Variants in GALNT6 observed in about 807,000 individuals in gnomAD.
GALNT6 encodes polypeptide N-acetylgalactosaminyltransferase 6.
A neutral mutation model predicts 65.9 loss-of-function variants in GALNT6; 51 were observed. The ratio of observed to expected loss-of-function variants is 0.77; its 90% CI spans 0.62 to 0.98. The LOEUF (loss-of-function observed/expected upper bound fraction) is 0.98, where lower values mean the gene tolerates loss of function less well. GALNT6 is among the 50% of genes least tolerant of loss of function. The pLI, the probability that GALNT6 is intolerant of heterozygous loss-of-function variation, is 0.00. For synonymous variants in GALNT6, 323 were observed against 315.1 expected (o/e 1.02, Z -0.26); for missense variants, 708 against 803.3 (o/e 0.88, Z 1.43).
chr12:51,364,064 C>T, intron 6 of GALNT6, 57 bp downstream of exon 6: 1 of 1,176,428 alleles, frequency 8.5e-7, no homozygotes, highest in Non-Finnish European at 1.3e-6. Context: ...GGCACAGGTT[C>T]CTGGAACTGG....
In GALNT6 at chr12:51,364,328, G is replaced by T. The variant is rs1315340711; in HGVS notation, c.842C>A (p.Pro281His). Residue 281 changes from proline to histidine, a missense_variant, in exon 6 of 12, where the codon CCC becomes CAC. By Grantham distance (77) the Pro-to-His change is moderately conservative. Coordinates refer to ENST00000356317, the MANE Select transcript of GALNT6 (RefSeq NM_007210.4). The part of the protein sequence containing the change: ...HCECFHGWLE[P>H]LLARIAEDKT... ...GTCCTCAGCGATTCGAGCCAGGAGG[G>T]GCTCCAGCCAGCCGTGGAAGCACTC... 6.2e-6 allele frequency: 10 copies of T among 1,614,118 alleles called. No individual in the cohort carries two copies. The highest frequency in any genetic ancestry group is 3.3e-5 in the South Asian group (3 of 91,078).
chr12:51,384,915 C>A (rs115419620), intron 2 of GALNT6, among the ~76,000 whole-genome samples: 1,998 of 152,212 alleles, frequency 0.013, 49 homozygotes, highest in African/African-American at 0.046. Context: ...TTTTAAAAAC[C>A]CAGAATAGAA....
In GALNT6 at chr12:51,353,768, T is replaced by C. The variant is rs1364962709; in HGVS notation, c.*611A>G. On this transcript the variant is annotated 3_prime_UTR_variant, in exon 12 of 12. Coordinates refer to ENST00000356317, the MANE Select transcript of GALNT6 (RefSeq NM_007210.4). ...TTTCTTCTTCTTTTTTGTTTTTTTTTGAGACAGAGTCTTACCTGTTGCCCA... is the reference window on the plus strand; with the variant it reads ...TTTCTTCTTCTTTTTTGTTTTTTTTCGAGACAGAGTCTTACCTGTTGCCCA... 5 of 152,226 alleles carry C rather than the reference T, an allele frequency of 3.3e-5. No individual in the cohort carries two copies. Among genetic ancestry groups the C allele is most frequent in the African/African-American group, 1.2e-4 (5 of 41,366 alleles). The allele number at this position is 152,226 out of a possible 1,614,324, so 9.4% of individuals were successfully genotyped here. A position where few individuals can be genotyped will look rare whatever the true frequency, so the allele number is the denominator to read the frequency against.
At position 51,379,508 on chromosome 12, in the gene GALNT6, C is replaced by T. The variant is rs1164676219; in HGVS notation, c.274G>A (p.Gly92Arg). The change falls in exon 3 of 12, where the codon GGG becomes AGG. Residue 92 changes from glycine to arginine, a missense_variant. Physicochemically the swap from Gly to Arg is moderately radical, Grantham distance 125. Coordinates refer to ENST00000356317, the MANE Select transcript of GALNT6 (RefSeq NM_007210.4). ...LFSINQSCLP[G>R]FYTPAELKPF... ...TTCAGTTCAGCTGGGGTATAGAACC[C>T]AGGGAGGCAGGACTGGTTTATGGAG... 4 of 1,614,162 alleles carry T rather than the reference C, an allele frequency of 2.5e-6. No individual in the cohort carries two copies.
At chr12:51,364,079 G>C in intron 6 of GALNT6, 42 bp downstream of exon 6, 1 of 1,365,330 alleles carries the variant, frequency 7.3e-7, no homozygotes, top group Non-Finnish European at 1.0e-6. Flanking sequence ...AACTGGGTAG[G>C]ACTGGGGCCA....
rs542552118 is a variant in GALNT6, at chr12:51,358,506, G to A, written c.1369-245C>T. 4.6e-5 allele frequency among the ~76,000 whole-genome samples: 7 copies of A among 152,168 alleles called. No homozygotes were observed. In the South Asian group the frequency reaches 1.5e-3, roughly 32 times the overall value. On this transcript the variant is annotated intron_variant, in intron 8 of 11. Coordinates refer to ENST00000356317, the MANE Select transcript of GALNT6 (RefSeq NM_007210.4). ...AGTAGAGATGAGGTTTCACCATGTT[G>A]GCCAGGCTGGTCTCAAACCCCTCAC...
At chr12:51,381,234 T>C (rs1947661690) in intron 2 of GALNT6, among the ~76,000 whole-genome samples, 2 of 152,180 alleles carry the variant, frequency 1.3e-5, no homozygotes, top group South Asian at 2.1e-4. Flanking sequence ...AGAGATTCTG[T>C]CTTTAAAAAT....
chr12:51,381,667 C>T (rs1947676238), intron 2 of GALNT6, among the ~76,000 whole-genome samples: 1 of 152,228 alleles, frequency 6.6e-6, no homozygotes, highest in African/African-American at 2.4e-5. Flanking sequence ...TACTTAATCC[C>T]TCTAAGCCTC....
chr12:51,360,310 G>A (rs1339451890), intron 7 of GALNT6: 1 of 154,152 alleles, frequency 6.5e-6, no homozygotes, highest in Non-Finnish European at 1.4e-5. Context: ...AACTGGGAAG[G>A]GGAGCCTGAT....
At chr12:51,386,398 C>T (rs1410514809) in intron 2 of GALNT6, among the ~76,000 whole-genome samples, 1 of 152,196 alleles carries the variant, frequency 6.6e-6, no homozygotes, top group Non-Finnish European at 1.5e-5. Flanking sequence ...ATTTGCCTTC[C>T]TCCCACTCAA....
Position 51,359,334 on chromosome 12 carries a change from T to C in GALNT6, c.1168-2A>G. ...CAGCTGGCCCCCACACTGCCACACC[T>C]GATGTAAGAGGAGACAGGATGAGGC... On this transcript the variant is annotated splice_acceptor_variant, in intron 7 of 11. Transcript: ENST00000356317. LOFTEE classifies it high-confidence loss of function. 1 of 1,604,368 alleles carries C rather than the reference T, an allele frequency of 6.2e-7. No homozygotes were observed. The highest frequency in any genetic ancestry group is 8.5e-7 in the Non-Finnish European group (1 of 1,174,216).
intron 4 of GALNT6, among the ~76,000 whole-genome samples, chr12:51,367,846 A>T (rs11169819): frequency 6.6e-6 from 1 of 152,012 alleles, no homozygotes; most frequent in East Asian, 1.9e-4. Context: ...TATGATAGTT[A>T]ACAACTCTAT....
rs562075252 is a variant in GALNT6, at chr12:51,387,099, A to G, written c.-104+3751T>C. Among the ~76,000 whole-genome samples, 7 of 151,726 alleles carry G rather than the reference A, an allele frequency of 4.6e-5. No homozygotes were observed. Among genetic ancestry groups the G allele is most frequent in the Non-Finnish European group, 8.8e-5 (6 of 67,918 alleles). On this transcript the variant is annotated intron_variant, in intron 2 of 11. Coordinates refer to ENST00000356317, the MANE Select transcript of GALNT6 (RefSeq NM_007210.4). The surrounding 1 kb of genome is among the most constrained non-coding windows in gnomAD (Gnocchi z 4.2). ...ATATCAAGGTTCATTTTATGTTTGC[A>G]TAATTTTTTTTTTTTTGAGATGGAG...
Position 51,354,382 on chromosome 12 carries a change from G to C in GALNT6, c.1866C>G (p.Val622=). The C allele has an allele frequency of 6.5e-7, 1 of 1,539,482 alleles. No individual in the cohort carries two copies. The highest frequency in any genetic ancestry group is 1.4e-5 in the African/African-American group (1 of 70,274). The part of the protein sequence containing the change: ...PSDPHQLWLF[V] ...CTCTCTGGGGATGATCTGGGTCCTA[G>C]ACAAAGAGCCACAACTGATGGGGGT... Residue 622 remains valine, a synonymous_variant, in exon 12 of 12, where the codon GTC becomes GTG. Transcript: ENST00000356317.
chr12:51,377,430 G>A lies in GALNT6; in HGVS notation c.492-63C>T, dbSNP rs562254170. 1.6e-4 allele frequency: 230 copies of A among 1,441,322 alleles called. No individual in the cohort carries two copies. The East Asian group carries it at 5.3e-3, about 33-fold the overall frequency. The allele number at this position is 1,441,322 out of a possible 1,614,324, so 89.3% of individuals were successfully genotyped here. A position where few individuals can be genotyped will look rare whatever the true frequency, so the allele number is the denominator to read the frequency against. On this transcript the variant is annotated intron_variant, in intron 3 of 11. Transcript: ENST00000356317. ...CCTGGGAGTACCAGGTGTGGGGAGGGCCCCATCCAGAGACTCCCCCAGACC... is the reference window on the plus strand; with the variant it reads ...CCTGGGAGTACCAGGTGTGGGGAGGACCCCATCCAGAGACTCCCCCAGACC...
In GALNT6 at chr12:51,377,303, G is replaced by A. The variant is rs760334598; in HGVS notation, c.556C>T (p.His186Tyr). The change falls in exon 4 of 12, where the codon CAC (histidine) becomes TAC (tyrosine). Residue 186 changes from histidine to tyrosine, a missense_variant. Coordinates refer to ENST00000356317, the MANE Select transcript of GALNT6 (RefSeq NM_007210.4). Reference protein sequence around the residue: ...LATTSVIIVFHNEAWSTLLRT... With the variant: ...LATTSVIIVFYNEAWSTLLRT... ...AGCAGTGTGGACCAGGCTTCGTTGT[G>A]GAACACAATGATCACGCTGGTGGTG... The A allele has an allele frequency of 1.2e-5, 19 of 1,613,390 alleles. No individual in the cohort carries two copies. Among genetic ancestry groups the A allele is most frequent in the Non-Finnish European group, 1.5e-5 (18 of 1,180,022 alleles).
At position 51,355,896 on chromosome 12, in the gene GALNT6, A is replaced by G. The variant is rs144411605; in HGVS notation, c.1665T>C (p.His555=). 5.6e-6 allele frequency: 9 copies of G among 1,613,832 alleles called. No individual in the cohort carries two copies. Among genetic ancestry groups the G allele is most frequent in the East Asian group, 2.2e-5 (1 of 44,874 alleles). The part of the protein sequence containing the change: ...RHNIAKQLCL[H]VSKGALGLGS... ...CAAGGCCCAGAGCACCCTTGCTGAC[A>G]TGTAGACACAGCTGCTTTGCGATGT... The change falls in exon 11 of 12, where the codon CAT becomes CAC. Residue 555 remains histidine, a synonymous_variant. Coordinates refer to ENST00000356317, the MANE Select transcript of GALNT6 (RefSeq NM_007210.4).
intron 2 of GALNT6, among the ~76,000 whole-genome samples, chr12:51,385,201 C>T (rs1947794194): frequency 1.3e-5 from 2 of 152,092 alleles, no homozygotes; most frequent in Admixed American, 6.6e-5. Flanking sequence ...GCTGCCCAGG[C>T]TGGTCTTCAA....
intron 10 of GALNT6, 125 bp from the exon 11 acceptor site, chr12:51,356,083 CTT>C (rs888265495): frequency 1.2e-5 from 9 of 780,032 alleles, no homozygotes; most frequent in Non-Finnish European, 1.9e-5. Context: ...CATGCCAAGA[CTT>C]TACTCATTTA....
Sources: allele counts gnomAD v4.1 joint callset (sites outside exome capture counted in the v4.1 genomes callset), GRCh38; gene constraint gnomAD v4.1.1; non-coding constraint Gnocchi (gnomAD v3.1); transcripts MANE v1.5; gene names NCBI Gene and HGNC (gene_info 2026-07-23, HGNC 2026-07-21).